PRELID2: variants seen among roughly 807,000 people sequenced by gnomAD.
The protein encoded by PRELID2 is PRELI domain containing 2, also known as PRELI domain-containing protein 2.
A neutral mutation model predicts 28.4 loss-of-function variants in PRELID2; 25 were observed. That is an observed-to-expected ratio of 0.88 (90% CI 0.64 to 1.23). The LOEUF (loss-of-function observed/expected upper bound fraction) is 1.23, where lower values mean the gene tolerates loss of function less well. PRELID2 is among the 50% of genes most tolerant of loss of function. The pLI, the probability that PRELID2 is intolerant of heterozygous loss-of-function variation, is 0.00. For synonymous variants in PRELID2, 76 were observed against 71.6 expected (o/e 1.06, Z -0.31); for missense variants, 201 against 214.4 (o/e 0.94, Z 0.39).
the PRELID2 span, among the ~76,000 whole-genome samples, chr5:145,253,454 T>C: frequency 6.6e-6 from 1 of 152,106 alleles, no homozygotes; most frequent in Non-Finnish European, 1.5e-5. Flanking sequence ...CCCATAGTAA[T>C]CGTAAAAAGC....
chr5:145,422,656 T>C, the PRELID2 span, among the ~76,000 whole-genome samples: 1 of 152,154 alleles, frequency 6.6e-6, no homozygotes, highest in Non-Finnish European at 1.5e-5. Context: ...GTTTCCTGAA[T>C]ACAGCACACT....
downstream of PRELID2, among the ~76,000 whole-genome samples, chr5:145,753,428 A>G (rs186114679): frequency 2.4e-3 from 372 of 152,294 alleles, 1 homozygote; most frequent in African/African-American, 8.3e-3. Flanking sequence ...ACGAAGTAGT[A>G]TTTTTAGAAT....
chr5:145,648,641 T>A (rs1259137362), intron 1 of PRELID2, among the ~76,000 whole-genome samples: 2 of 151,340 alleles, frequency 1.3e-5, no homozygotes, highest in African/African-American at 4.8e-5. Flanking sequence ...TTTTGTATTA[T>A]CCTCCCTGGG....
the PRELID2 span, among the ~76,000 whole-genome samples, chr5:145,377,439 G>C: frequency 6.6e-6 from 1 of 151,916 alleles, no homozygotes; most frequent in Non-Finnish European, 1.5e-5. Flanking sequence ...ATATCTTTGT[G>C]ATCTGTCTAC....
At chr5:145,545,913 G>T (rs1038336237) in intron 1 of PRELID2, among the ~76,000 whole-genome samples, 2 of 152,100 alleles carry the variant, frequency 1.3e-5, no homozygotes, top group Non-Finnish European at 2.9e-5. Flanking sequence ...GTACATAGAA[G>T]TGAAAAGTGA....
intron 1 of PRELID2, among the ~76,000 whole-genome samples, chr5:145,553,946 G>A (rs1160272410): frequency 2.0e-5 from 3 of 152,114 alleles, no homozygotes; most frequent in African/African-American, 7.2e-5. Context: ...GTGAAGGATC[G>A]AGCATGGTGG....
At chr5:145,586,251 C>T (rs895277019) in intron 1 of PRELID2, among the ~76,000 whole-genome samples, 2 of 152,042 alleles carry the variant, frequency 1.3e-5, no homozygotes, top group Admixed American at 1.3e-4. Context: ...TTTCCACACC[C>T]ATTATCTCTA....
chr5:145,397,106 G>A, the PRELID2 span, among the ~76,000 whole-genome samples: 1 of 152,092 alleles, frequency 6.6e-6, no homozygotes, highest in Admixed American at 6.6e-5. Context: ...AAATGAGTCA[G>A]ACCCCTATCC....
the PRELID2 span, among the ~76,000 whole-genome samples, chr5:145,239,763 C>G: frequency 6.6e-6 from 1 of 151,952 alleles, no homozygotes; most frequent in Non-Finnish European, 1.5e-5. Context: ...CTGCCCTACT[C>G]AAGTGGCCCT....
chr5:145,363,327 CTG>C, the PRELID2 span, among the ~76,000 whole-genome samples: 4 of 152,040 alleles, frequency 2.6e-5, no homozygotes, highest in Admixed American at 2.0e-4. Flanking sequence ...ATTAGGGAAA[CTG>C]TTTCTTCCAG....
chr5:145,613,846 G>GT (rs1325838057), intron 1 of PRELID2, among the ~76,000 whole-genome samples: 7 of 152,088 alleles, frequency 4.6e-5, no homozygotes, highest in Non-Finnish European at 1.0e-4. Context: ...ATTTATCTTT[G>GT]TTTTTATTGC....
the PRELID2 span, among the ~76,000 whole-genome samples, chr5:145,236,146 A>G: frequency 2.6e-4 from 39 of 152,228 alleles, no homozygotes; most frequent in African/African-American, 9.1e-4. Context: ...ATGCTGCCTT[A>G]ATAAGATTAC....
chr5:145,257,433 T>C, the PRELID2 span, among the ~76,000 whole-genome samples: 1 of 152,062 alleles, frequency 6.6e-6, no homozygotes, highest in Non-Finnish European at 1.5e-5. Context: ...AAATAATTTA[T>C]GCAAAAAGCA....
At chr5:145,280,725 A>C in the PRELID2 span, among the ~76,000 whole-genome samples, 2 of 151,954 alleles carry the variant, frequency 1.3e-5, no homozygotes, top group Non-Finnish European at 2.9e-5. Flanking sequence ...TGGATGGGAA[A>C]AGAAAGAACA....
the PRELID2 span, among the ~76,000 whole-genome samples, chr5:145,270,787 C>T: frequency 4.6e-5 from 7 of 152,080 alleles, no homozygotes; most frequent in Admixed American, 2.6e-4. Flanking sequence ...CATGTCACTA[C>T]ATGTAAATAA....
intron 1 of PRELID2, among the ~76,000 whole-genome samples, chr5:145,507,635 C>T (rs962774148): frequency 1.3e-5 from 2 of 152,144 alleles, no homozygotes; most frequent in African/African-American, 4.8e-5. Flanking sequence ...TCCCCCATGG[C>T]CCTCTAGTGT....
chr5:145,367,160 G>T, the PRELID2 span, among the ~76,000 whole-genome samples: 1 of 151,488 alleles, frequency 6.6e-6, no homozygotes, highest in Admixed American at 6.6e-5. Flanking sequence ...CATCTTTTAG[G>T]TTTCTGATGA....
intron 4 of PRELID2, among the ~76,000 whole-genome samples, chr5:145,809,151 C>T (rs1273522766): frequency 6.6e-6 from 1 of 151,710 alleles, no homozygotes; most frequent in Admixed American, 6.6e-5. Context: ...ATTCTTCCAC[C>T]TCAGTCAGCC....
chr5:145,398,353 C>G, the PRELID2 span, among the ~76,000 whole-genome samples: 1 of 152,126 alleles, frequency 6.6e-6, no homozygotes, highest in African/African-American at 2.4e-5. Context: ...TATCCAGCTC[C>G]TCAGAAACTT....
Sources: gnomAD v4.1 joint callset for allele counts (sites outside exome capture counted in the v4.1 genomes callset) on GRCh38, gnomAD v4.1.1 for gene constraint, MANE v1.5 for transcripts, NCBI Gene and HGNC (gene_info 2026-07-23, HGNC 2026-07-21) for gene names.